Variants in CAMK4 observed in about 807,000 individuals in gnomAD.
CAMK4 encodes calcium/calmodulin-dependent protein kinase type IV.
CAMK4 carries 22 observed loss-of-function variants against 44.9 expected under a neutral mutation model. The observed-to-expected ratio is 0.49, with a 90% CI of 0.35 to 0.70. The LOEUF is 0.70. Among genes scored for constraint, CAMK4 ranks in the 30% least tolerant of loss-of-function variants. The pLI, the probability that CAMK4 is intolerant of heterozygous loss-of-function variation, is 0.01. For synonymous variants in CAMK4, 218 were observed against 215.4 expected, an observed-to-expected ratio of 1.01 and a Z score of -0.11; for missense variants, 498 against 586.8, an observed-to-expected ratio of 0.85 and a Z score of 1.56.
intron 2 of CAMK4, among the ~76,000 whole-genome samples, chr5:111,359,149 C>T (rs942094931): frequency 1.1e-4 from 16 of 152,044 alleles, no homozygotes; most frequent in African/African-American, 3.9e-4. Flanking sequence ...TGAAGAGTTC[C>T]TTTCTACAAT....
At chr5:111,326,875 A>G (rs1470666349) in intron 1 of CAMK4, among the ~76,000 whole-genome samples, 1 of 151,942 alleles carries the variant, frequency 6.6e-6, no homozygotes, top group Non-Finnish European at 1.5e-5. Flanking sequence ...TTGTGCATGG[A>G]CCAATGGCAA....
At chr5:111,320,732 C>T (rs1452096225) in intron 1 of CAMK4, among the ~76,000 whole-genome samples, 1 of 152,176 alleles carries the variant, frequency 6.6e-6, no homozygotes, top group Non-Finnish European at 1.5e-5. Context: ...TCTCGAACTC[C>T]TGACCTCAGG....
intron 1 of CAMK4, among the ~76,000 whole-genome samples, chr5:111,239,608 T>C (rs1292825951): frequency 6.6e-6 from 1 of 152,226 alleles, no homozygotes; most frequent in African/African-American, 2.4e-5. Context: ...CGGCCACTCA[T>C]GAAGTGTGTC....
intron 5 of CAMK4, among the ~76,000 whole-genome samples, chr5:111,443,834 A>G (rs770668762): frequency 1.3e-5 from 2 of 152,170 alleles, no homozygotes; most frequent in African/African-American, 4.8e-5. Flanking sequence ...GGAAAAATCA[A>G]TATGTTCCGT....
chr5:111,245,537 A>G lies in CAMK4; in HGVS notation c.161+20893A>G, dbSNP rs528168552. On this transcript the variant is annotated intron_variant, in intron 1 of 10. Transcript: ENST00000282356. ...ACTTTCTCTGACATGAGTTACAACTACCATGTTCATATTTCTCTCAAACAG... is the reference window on the plus strand; with the variant it reads ...ACTTTCTCTGACATGAGTTACAACTGCCATGTTCATATTTCTCTCAAACAG... 9.0e-4 allele frequency among the ~76,000 whole-genome samples: 137 copies of G among 152,290 alleles called. 2 individuals carry two copies. Among genetic ancestry groups the G allele is most frequent in the Non-Finnish European group, 1.2e-4 (8 of 68,022 alleles).
chr5:111,393,622 C>T (rs574609791), intron 4 of CAMK4, among the ~76,000 whole-genome samples: 15 of 152,018 alleles, frequency 9.9e-5, no homozygotes, highest in East Asian at 3.9e-4. Flanking sequence ...AGCAAACTAA[C>T]GCAGGAACAG....
chr5:111,279,903 T>C (rs967755306), intron 1 of CAMK4, among the ~76,000 whole-genome samples: 9 of 152,170 alleles, frequency 5.9e-5, no homozygotes, highest in Non-Finnish European at 1.2e-4. Context: ...AATGGCTAAA[T>C]TTAGTGGGTG....
intron 3 of CAMK4, 73 bp from the exon 4 acceptor site, chr5:111,376,787 C>T: frequency 1.2e-6 from 1 of 845,982 alleles, no homozygotes; most frequent in Non-Finnish European, 2.0e-6. Flanking sequence ...TTGTTTTAGC[C>T]ATAGTATTAG....
intron 1 of CAMK4, among the ~76,000 whole-genome samples, chr5:111,240,123 T>C (rs1748920287): frequency 6.6e-6 from 1 of 152,164 alleles, no homozygotes; most frequent in African/African-American, 2.4e-5. Context: ...TAAAAGGGTG[T>C]TAGAAAATAT....
At chr5:111,392,780 A>C (rs1210071801) in intron 4 of CAMK4, among the ~76,000 whole-genome samples, 2 of 152,144 alleles carry the variant, frequency 1.3e-5, no homozygotes, top group East Asian at 3.8e-4. Context: ...CTGCCACTAA[A>C]AGTGTACTTC....
At chr5:111,428,299 A>C (rs935568297) in intron 5 of CAMK4, among the ~76,000 whole-genome samples, 2 of 152,244 alleles carry the variant, frequency 1.3e-5, no homozygotes, top group African/African-American at 2.4e-5. Flanking sequence ...ACTACAATAA[A>C]TACCCAATCC....
In CAMK4 at chr5:111,489,360, G is replaced by A. The variant is rs1258009918; in HGVS notation, c.*4894G>A. 1 of 152,190 alleles carries A rather than the reference G, an allele frequency of 6.6e-6. No individual in the cohort carries two copies. The highest frequency in any genetic ancestry group is 1.9e-4 in the East Asian group (1 of 5,186). 9.4% of individuals were successfully genotyped at this position (152,190 alleles called of 1,614,324 possible). A position where few individuals can be genotyped will look rare whatever the true frequency, so the allele number is the denominator to read the frequency against. ...GACCAATATATTAAGAGCAAATTTT[G>A]TCATTATTACTCCTTGTGGCTATTA... On this transcript the variant is annotated 3_prime_UTR_variant, in exon 11 of 11. Transcript: ENST00000282356.
At chr5:111,351,905 G>T (rs1750125209) in intron 2 of CAMK4, among the ~76,000 whole-genome samples, 1 of 152,108 alleles carries the variant, frequency 6.6e-6, no homozygotes, top group Non-Finnish European at 1.5e-5. Flanking sequence ...CAAGGTCAAG[G>T]TGACAGCAGA....
Position 111,439,335 on chromosome 5 carries a change from T to C in CAMK4, c.460-7351T>C, listed in dbSNP as rs562219565. Among the ~76,000 whole-genome samples the C allele has an allele frequency of 1.4e-4, 22 of 151,948 alleles. No homozygotes were observed. In the South Asian group the frequency reaches 2.7e-3, roughly 19 times the overall value. On this transcript the variant is annotated intron_variant, in intron 5 of 10. Transcript: ENST00000282356. ...CAGCTAAGCTGGTTATTAGAGTAAT[T>C]AAGAGGGAAAGCATGCTAGTGGCCT...
At chr5:111,283,618 C>T (rs1751112402) in intron 1 of CAMK4, among the ~76,000 whole-genome samples, 1 of 152,170 alleles carries the variant, frequency 6.6e-6, no homozygotes, top group African/African-American at 2.4e-5. Flanking sequence ...AATCAGAATT[C>T]ATATTCATTT....
chr5:111,388,805 C>T (rs1472697070), intron 4 of CAMK4, among the ~76,000 whole-genome samples: 2 of 152,144 alleles, frequency 1.3e-5, no homozygotes, highest in African/African-American at 4.8e-5. Context: ...TGTTGGAATG[C>T]ATCCTCTGGT....
At chr5:111,302,348 T>C (rs1372993141) in intron 1 of CAMK4, 2 of 149,578 alleles carry the variant, frequency 1.3e-5, no homozygotes, top group African/African-American at 2.5e-5. Flanking sequence ...TTCATCTCAC[T>C]AGGGAGTGCC....
intron 7 of CAMK4, among the ~76,000 whole-genome samples, chr5:111,455,168 G>T (rs1370668747): frequency 6.6e-6 from 1 of 152,122 alleles, no homozygotes; most frequent in Admixed American, 6.5e-5. Flanking sequence ...AAGCCAAAAT[G>T]AAGGCTAATT....
intron 5 of CAMK4, among the ~76,000 whole-genome samples, chr5:111,439,832 G>A (rs1753765383): frequency 6.6e-6 from 1 of 152,172 alleles, no homozygotes; most frequent in South Asian, 2.1e-4. Context: ...AGTCAGGAAA[G>A]CCAGGCTGCT....
Sources: gnomAD v4.1 joint callset for allele counts (sites outside exome capture counted in the v4.1 genomes callset) on GRCh38, gnomAD v4.1.1 for gene constraint, MANE v1.5 for transcripts, NCBI Gene and HGNC (gene_info 2026-07-23, HGNC 2026-07-21) for gene names.